The following GPR158 variants were observed in gnomAD, a reference collection of about 807,000 sequenced individuals.
GPR158 encodes G protein-coupled receptor 158, also known as metabotropic glycine receptor.
Under a neutral mutation model 78.2 loss-of-function variants are expected in GPR158, and 30 were observed. That is an observed-to-expected ratio of 0.38 (90% confidence interval 0.29 to 0.52). The LOEUF is 0.52. GPR158 is among the 20% of genes least tolerant of loss of function. The pLI is 0.83. For synonymous variants in GPR158, 581 were observed against 591.1 expected (o/e 0.98, Z 0.25); for missense variants, 1,463 against 1,523.5 (o/e 0.96, Z 0.66).
chr10:25,469,735 G>C (rs1260521004), intron 5 of GPR158, among the ~76,000 whole-genome samples: 3 of 126,456 alleles, frequency 2.4e-5, no homozygotes, highest in Non-Finnish European at 4.7e-5. Context: ...AGTGAGCCGA[G>C]ATTGTGCCAC....
At chr10:25,433,573 G>GTGTA (rs1564454642) in intron 4 of GPR158, among the ~76,000 whole-genome samples, 21 of 135,182 alleles carry the variant, frequency 1.6e-4, no homozygotes, top group African/African-American at 5.5e-4. Context: ...GTGTGTGTGC[G>GTGTA]CGCGCGCGTG....
chr10:25,214,084 T>G (rs1853171965), intron 1 of GPR158, among the ~76,000 whole-genome samples: 1 of 150,504 alleles, frequency 6.6e-6, no homozygotes, highest in South Asian at 2.1e-4. Flanking sequence ...AAGCTCTGCC[T>G]CCTGGGTTCA....
rs1837509771 is a variant in GPR158 at position 25,602,195 on chromosome 10, A to ATAAC, written c.*2923_*2926dup. ...GACGTGTTGCAGCATGTAAATAATT[A>ATAAC]TAACTTCTCTGCAATAAAACATATT... is the stretch of plus-strand genomic sequence containing the variant. On this transcript the variant is annotated 3_prime_UTR_variant, in exon 11 of 11. Coordinates refer to ENST00000376351, the MANE Select transcript of GPR158 (RefSeq NM_020752.3). 1 of 152,652 alleles carries ATAAC rather than the reference A, an allele frequency of 6.6e-6. No homozygotes were observed. The highest frequency in any genetic ancestry group is 2.1e-4 in the South Asian group (1 of 4,832). 9.5% of individuals were successfully genotyped at this position (152,652 alleles called of 1,614,324 possible).
At chr10:25,485,346 G>T (rs1835722271) in intron 5 of GPR158, among the ~76,000 whole-genome samples, 1 of 151,196 alleles carries the variant, frequency 6.6e-6, no homozygotes, top group Non-Finnish European at 1.5e-5. Flanking sequence ...GATATTTAAA[G>T]AAAATAGCAA....
chr10:25,328,314 G>A (rs965669870), intron 2 of GPR158, among the ~76,000 whole-genome samples: 5 of 152,100 alleles, frequency 3.3e-5, no homozygotes, highest in Non-Finnish European at 5.9e-5. Context: ...AAAGACTGAA[G>A]CCTATTGATA....
chr10:25,459,153 C>T (rs1331702790), intron 4 of GPR158, among the ~76,000 whole-genome samples: 1 of 151,990 alleles, frequency 6.6e-6, no homozygotes, highest in East Asian at 1.9e-4. Context: ...TTTTCCAATC[C>T]ATATTGTGTA....
At chr10:25,362,107 T>G (rs1855649477) in intron 2 of GPR158, among the ~76,000 whole-genome samples, 1 of 151,992 alleles carries the variant, frequency 6.6e-6, no homozygotes, top group Admixed American at 6.6e-5. Flanking sequence ...GTTTCGTGGC[T>G]TTAGATCTTT....
chr10:25,475,408 CTG>C (rs2130629230), intron 5 of GPR158: 1 of 152,156 alleles, frequency 6.6e-6, no homozygotes, highest in East Asian at 1.9e-4. Context: ...GATAATAACT[CTG>C]TACCTTGGTT....
intron 4 of GPR158, among the ~76,000 whole-genome samples, chr10:25,448,292 GTGTT>G (rs1247508543): frequency 6.6e-6 from 1 of 151,500 alleles, no homozygotes; most frequent in Non-Finnish European, 1.5e-5. Flanking sequence ...GGGTTTCACC[GTGTT>G]AGCCAGGATG....
chr10:25,311,890 C>T (rs1383973210), intron 2 of GPR158, among the ~76,000 whole-genome samples: 1 of 151,948 alleles, frequency 6.6e-6, no homozygotes, highest in Non-Finnish European at 1.5e-5. Context: ...TTTTATGAAA[C>T]ATGCAAAGCT....
chr10:25,275,182 A>C (rs1854167587), intron 2 of GPR158, among the ~76,000 whole-genome samples: 1 of 152,146 alleles, frequency 6.6e-6, no homozygotes, highest in Non-Finnish European at 1.5e-5. Context: ...TTCATAGGAA[A>C]TTTTATAATT....
At chr10:25,356,808 C>T (rs1289963602) in intron 2 of GPR158, among the ~76,000 whole-genome samples, 1 of 151,878 alleles carries the variant, frequency 6.6e-6, no homozygotes, top group East Asian at 1.9e-4. Flanking sequence ...TAAATTGGTA[C>T]CAGGAATGGG....
At chr10:25,496,299 C>T (rs1244831147) in intron 5 of GPR158, among the ~76,000 whole-genome samples, 1 of 152,106 alleles carries the variant, frequency 6.6e-6, no homozygotes, top group African/African-American at 2.4e-5. Context: ...TGCACGTCGA[C>T]TATACTACGG....
chr10:25,596,005 G>C, intron 9 of GPR158, among the ~76,000 whole-genome samples: 1 of 152,046 alleles, frequency 6.6e-6, no homozygotes. Flanking sequence ...GTATTCTCAT[G>C]GTACTTATAA....
At position 25,596,578 on chromosome 10, in the gene GPR158, G is replaced by A. The variant is rs907831101; in HGVS notation, c.1999-65G>A. 26 of 1,124,856 alleles carry A rather than the reference G, an allele frequency of 2.3e-5. No homozygotes were observed. In the African/African-American group the frequency reaches 3.7e-4, roughly 16 times the overall value. The allele number at this position is 1,124,856 out of a possible 1,614,324, so 69.7% of individuals were successfully genotyped here. On this transcript the variant is annotated intron_variant, in intron 9 of 10. Coordinates refer to ENST00000376351, the MANE Select transcript of GPR158 (RefSeq NM_020752.3). ...CTATATAGATATAGGTATAGATATA[G>A]ATATAGATATATGCAATGCGTTACA...
chr10:25,455,333 A>G (rs1288990832), intron 4 of GPR158, among the ~76,000 whole-genome samples: 1 of 152,222 alleles, frequency 6.6e-6, no homozygotes, highest in Non-Finnish European at 1.5e-5. Flanking sequence ...ATTTAGTAAT[A>G]GTTCAGCTTT....
At chr10:25,441,741 C>G (rs1416583689) in intron 4 of GPR158, among the ~76,000 whole-genome samples, 1 of 152,102 alleles carries the variant, frequency 6.6e-6, no homozygotes, top group African/African-American at 2.4e-5. Flanking sequence ...TATCCTGAAA[C>G]CTAATATCAT....
intron 6 of GPR158, among the ~76,000 whole-genome samples, chr10:25,554,788 C>T (rs1836766296): frequency 6.6e-6 from 1 of 152,078 alleles, no homozygotes; most frequent in African/African-American, 2.4e-5. Flanking sequence ...AAGGTGTATT[C>T]TGTTTTTTGT....
chr10:25,381,712 T>G (rs547724491), intron 2 of GPR158, among the ~76,000 whole-genome samples: 165 of 152,358 alleles, frequency 1.1e-3, no homozygotes, highest in Non-Finnish European at 8.8e-4. Context: ...TTATTTACAT[T>G]TAAAAGTATT....
Sources: allele counts gnomAD v4.1 joint callset (sites outside exome capture counted in the v4.1 genomes callset), GRCh38; gene constraint gnomAD v4.1.1; transcripts MANE v1.5; gene names NCBI Gene and HGNC (gene_info 2026-07-23, HGNC 2026-07-21).